Variants in EYA2 observed in about 807,000 individuals in gnomAD.
EYA2 encodes EYA transcriptional coactivator and phosphatase 2.
Under a neutral mutation model 69.2 loss-of-function variants are expected in EYA2, and 31 were observed. The ratio of observed to expected loss-of-function variants is 0.45; its 90% confidence interval spans 0.34 to 0.60. The LOEUF is 0.60. Among genes scored for constraint, EYA2 ranks in the 20% least tolerant of loss-of-function variants. The pLI is 0.02. For synonymous variants in EYA2, 257 were observed against 279.4 expected (o/e 0.92, Z 0.80); for missense variants, 622 against 701.2 (o/e 0.89, Z 1.28).
chr20:46,896,383 C>T (rs1357159447), intron 1 of EYA2, among the ~76,000 whole-genome samples: 1 of 149,096 alleles, frequency 6.7e-6, no homozygotes, highest in Non-Finnish European at 1.5e-5. Flanking sequence ...AACTAACATA[C>T]ACATGTAACC....
chr20:47,177,984 T>A (rs6066224), intron 12 of EYA2, among the ~76,000 whole-genome samples: 56,679 of 152,074 alleles, frequency 0.37, 11,844 homozygotes, highest in Non-Finnish European at 0.48. Context: ...TAAAGGGACC[T>A]GACCCAGCCT....
chr20:47,080,658 G>A (rs2031679709), intron 7 of EYA2, among the ~76,000 whole-genome samples: 1 of 152,152 alleles, frequency 6.6e-6, no homozygotes, highest in South Asian at 2.1e-4. Context: ...ACCTGAAACT[G>A]AGCAGTTTAC....
intron 5 of EYA2, among the ~76,000 whole-genome samples, chr20:47,047,923 C>T (rs1322692710): frequency 7.2e-5 from 11 of 151,986 alleles, no homozygotes; most frequent in African/African-American, 1.5e-4. Flanking sequence ...CCATCCATCT[C>T]GCTCCCAGCC....
intron 5 of EYA2, among the ~76,000 whole-genome samples, chr20:47,046,876 C>G (rs1001395542): frequency 1.3e-5 from 2 of 152,204 alleles, no homozygotes; most frequent in East Asian, 3.9e-4. Context: ...ACAACTCTTA[C>G]TGCAGACAGC....
At chr20:46,948,561 A>G (rs1978613388) in intron 1 of EYA2, among the ~76,000 whole-genome samples, 1 of 152,240 alleles carries the variant, frequency 6.6e-6, no homozygotes, top group South Asian at 2.1e-4. Context: ...CTCGGTGCCC[A>G]GTACAGGGTT....
intron 9 of EYA2, among the ~76,000 whole-genome samples, chr20:47,113,491 G>A (rs928381265): frequency 1.3e-5 from 2 of 152,180 alleles, no homozygotes; most frequent in Non-Finnish European, 2.9e-5. Flanking sequence ...TTCCCCATGA[G>A]GAACCTAAGG....
chr20:47,064,757 T>C (rs2146459833), intron 5 of EYA2, among the ~76,000 whole-genome samples: 2 of 152,288 alleles, frequency 1.3e-5, no homozygotes, highest in Middle Eastern at 3.4e-3. Context: ...CCACTCTGAG[T>C]TTCTGTAAAC....
At chr20:47,001,618 A>G (rs1982378810) in intron 3 of EYA2, 145 bp downstream of exon 3, 23 of 823,914 alleles carry the variant, frequency 2.8e-5, no homozygotes. Flanking sequence ...GAGCTTGAGC[A>G]AGTCACTCCA....
chr20:47,041,647 C>CAATG (rs1985074961), intron 5 of EYA2, among the ~76,000 whole-genome samples: 1 of 152,042 alleles, frequency 6.6e-6, no homozygotes, highest in African/African-American at 2.4e-5. Flanking sequence ...AAATTTCATT[C>CAATG]AATGAACATC....
intron 10 of EYA2, among the ~76,000 whole-genome samples, chr20:47,147,781 T>C (rs914951216): frequency 5.3e-5 from 8 of 152,208 alleles, no homozygotes; most frequent in Middle Eastern, 3.4e-3. Flanking sequence ...AGGATTGGCC[T>C]GGTGCGGTGG....
rs1258545741 is a variant in EYA2, at chr20:47,048,884, TAAG to T, written c.416-23292_416-23290del. On this transcript the variant is annotated intron_variant, in intron 5 of 15. Coordinates refer to ENST00000327619, the MANE Select transcript of EYA2 (RefSeq NM_005244.5). Reference sequence around the variant, plus strand: ...AAGAGAGAAGTAACAGAGGTGAGAGTAAGAAGAAGAATGATACTAGTAGTGGGT... The same window carrying T: ...AAGAGAGAAGTAACAGAGGTGAGAGTAAGAAGAATGATACTAGTAGTGGGT... 1.5e-4 allele frequency among the ~76,000 whole-genome samples: 23 copies of T among 152,224 alleles called. No individual in the cohort carries two copies. The South Asian group carries it at 3.7e-3, about 25-fold the overall frequency.
chr20:47,031,594 G>T (rs774759035), intron 5 of EYA2, among the ~76,000 whole-genome samples: 4 of 152,160 alleles, frequency 2.6e-5, no homozygotes, highest in Non-Finnish European at 5.9e-5. Context: ...GAAAATTCTA[G>T]AATTATTACA....
At chr20:46,963,107 T>C (rs1201658505) in intron 1 of EYA2, among the ~76,000 whole-genome samples, 1 of 152,224 alleles carries the variant, frequency 6.6e-6, no homozygotes, top group Non-Finnish European at 1.5e-5. Context: ...TTGCCCATGG[T>C]GGTAACTTGC....
chr20:47,013,336 A>C (rs1233442616), intron 4 of EYA2, among the ~76,000 whole-genome samples: 1 of 152,214 alleles, frequency 6.6e-6, no homozygotes, highest in African/African-American at 2.4e-5. Flanking sequence ...TGCCTGATAG[A>C]GAAGAGGGAG....
At chr20:46,958,448 A>T (rs911792132) in intron 1 of EYA2, among the ~76,000 whole-genome samples, 2 of 141,912 alleles carry the variant, frequency 1.4e-5, no homozygotes, top group Non-Finnish European at 3.2e-5. Context: ...ACGTGTAATT[A>T]TGAAAAAAAA....
intron 1 of EYA2, among the ~76,000 whole-genome samples, chr20:46,966,080 A>G (rs1043433634): frequency 1.3e-5 from 2 of 152,354 alleles, no homozygotes; most frequent in African/African-American, 4.8e-5. Flanking sequence ...CAGCATGAGT[A>G]TAAACTGTTC....
At chr20:46,971,428 C>T (rs1980140438) in intron 1 of EYA2, among the ~76,000 whole-genome samples, 1 of 152,190 alleles carries the variant, frequency 6.6e-6, no homozygotes. Context: ...GAAGGTCCAC[C>T]CCATTCCTTT....
chr20:47,011,173 A>G (rs1983034928), intron 4 of EYA2, among the ~76,000 whole-genome samples: 1 of 152,132 alleles, frequency 6.6e-6, no homozygotes, highest in Non-Finnish European at 1.5e-5. Context: ...CACAACATTG[A>G]AGATGGGGAA....
chr20:46,900,759 T>A (rs188695774), intron 1 of EYA2, among the ~76,000 whole-genome samples: 9 of 152,360 alleles, frequency 5.9e-5, no homozygotes, highest in Non-Finnish European at 1.0e-4. Context: ...ATATCCTTAG[T>A]CCTAGTGGAA....
Sources: allele counts gnomAD v4.1 joint callset (sites outside exome capture counted in the v4.1 genomes callset), GRCh38; gene constraint gnomAD v4.1.1; transcripts MANE v1.5; gene names NCBI Gene and HGNC (gene_info 2026-07-23, HGNC 2026-07-21).